The following DOCK10 variants were observed in gnomAD, a reference collection of about 807,000 sequenced individuals.
DOCK10 encodes the protein dedicator of cytokinesis 10, also known as dedicator of cytokinesis protein 10.
A neutral mutation model predicts 280.1 loss-of-function variants in DOCK10; 145 were observed. The ratio of observed to expected loss-of-function variants is 0.52; its 90% CI spans 0.45 to 0.59. DOCK10 has a LOEUF of 0.59. Ranked by LOEUF, DOCK10 falls within the 20% of genes least tolerant of loss-of-function variation. The pLI, the probability that DOCK10 is intolerant of heterozygous loss-of-function variation, is 0.00. For missense variants in DOCK10, 2,368 were observed against 2,651.7 expected, an observed-to-expected ratio of 0.89 and a Z score of 2.35; for synonymous variants, 915 against 942.2, an observed-to-expected ratio of 0.97 and a Z score of 0.53.
Position 224,854,948 on chromosome 2 carries a change from A to T in DOCK10, c.1888+15T>A, listed in dbSNP as rs751293153. 5.0e-6 allele frequency: 8 copies of T among 1,589,376 alleles called. No homozygotes were observed. The highest frequency in any genetic ancestry group is 6.9e-6 in the Non-Finnish European group (8 of 1,162,734). ...TTCAAAACTCTGCAACCAAACCATG[A>T]CATCATCATCATACTTGGATGCTCC... On this transcript the variant is annotated intron_variant, in intron 16 of 55. Coordinates refer to ENST00000258390, the MANE Select transcript of DOCK10 (RefSeq NM_014689.3).
chr2:224,811,598 C>G (rs577518987), intron 31 of DOCK10, among the ~76,000 whole-genome samples: 20 of 152,290 alleles, frequency 1.3e-4, no homozygotes, highest in African/African-American at 4.6e-4. Flanking sequence ...AGGTTTTCTT[C>G]TAGGGTTTTT....
intron 4 of DOCK10, among the ~76,000 whole-genome samples, chr2:224,890,434 A>C (rs1441999984): frequency 6.6e-6 from 1 of 152,208 alleles, no homozygotes; most frequent in Non-Finnish European, 1.5e-5. Context: ...TTTTTTCACA[A>C]ATCTCCCAGT....
chr2:224,916,597 T>C (rs1418464072), intron 3 of DOCK10, 98 bp downstream of exon 3: 2 of 800,486 alleles, frequency 2.5e-6, no homozygotes, highest in Non-Finnish European at 3.9e-6. Context: ...GAATTATCTA[T>C]TGAAAATGAC....
At chr2:224,902,664 A>G (rs932302818) in intron 3 of DOCK10, among the ~76,000 whole-genome samples, 21 of 151,930 alleles carry the variant, frequency 1.4e-4, no homozygotes, top group Non-Finnish European at 3.1e-4. Flanking sequence ...CACCCAACAC[A>G]TTGACATTTT....
intron 1 of DOCK10, among the ~76,000 whole-genome samples, chr2:224,984,703 T>C (rs1396242736): frequency 6.6e-6 from 1 of 152,106 alleles, no homozygotes; most frequent in Non-Finnish European, 1.5e-5. Context: ...TCCAAACATG[T>C]AGGAAAGTTG....
chr2:224,816,525 A>G lies in DOCK10; in HGVS notation c.3364+92T>C, dbSNP rs895373530. The stretch of plus-strand genomic sequence containing the variant: ...GCTTCAAACAAAATTATGACTGAAG[A>G]AACAGGAAAATAATAATAAACAAAA... On this transcript the variant is annotated intron_variant, in intron 30 of 55. Coordinates refer to ENST00000258390, the MANE Select transcript of DOCK10 (RefSeq NM_014689.3). 3 of 818,036 alleles carry G rather than the reference A, an allele frequency of 3.7e-6. No individual in the cohort carries two copies. The African/African-American group carries it at 5.2e-5, about 14-fold the overall frequency. The allele number at this position is 818,036 out of a possible 1,614,324, so 50.7% of individuals were successfully genotyped here.
At chr2:224,884,415 A>G (rs1020370642) in intron 7 of DOCK10, among the ~76,000 whole-genome samples, 2 of 152,212 alleles carry the variant, frequency 1.3e-5, no homozygotes, top group Admixed American at 1.3e-4. Context: ...CCAGAAATAG[A>G]GTCCTGGACC....
At chr2:224,989,159 A>G (rs1706061980) in intron 1 of DOCK10, among the ~76,000 whole-genome samples, 1 of 152,208 alleles carries the variant, frequency 6.6e-6, no homozygotes, top group Non-Finnish European at 1.5e-5. Context: ...AGAGGGAACC[A>G]GCCACTTTCC....
chr2:224,941,255 G>T (rs997253282), intron 1 of DOCK10, among the ~76,000 whole-genome samples: 1 of 150,422 alleles, frequency 6.6e-6, no homozygotes, highest in African/African-American at 2.4e-5. Flanking sequence ...CAACTTGGCT[G>T]CAAGTTGATG....
chr2:224,983,613 A>G (rs1282543080), intron 1 of DOCK10: 4 of 353,516 alleles, frequency 1.1e-5, no homozygotes, highest in Non-Finnish European at 2.3e-5. Context: ...CCCCAGCCTC[A>G]GTGAGGTTGC....
chr2:224,906,290 CCTAT>C (rs1468626201), intron 3 of DOCK10, among the ~76,000 whole-genome samples: 1 of 152,104 alleles, frequency 6.6e-6, no homozygotes, highest in Admixed American at 6.5e-5. Flanking sequence ...CAAATAGTCT[CCTAT>C]CTGTTAGTAC....
chr2:224,877,495 T>A (rs115373643), intron 7 of DOCK10, among the ~76,000 whole-genome samples: 66 of 149,404 alleles, frequency 4.4e-4, no homozygotes, highest in African/African-American at 1.0e-3. Flanking sequence ...TGGAATAGGT[T>A]CCTATTCCAA....
intron 16 of DOCK10, among the ~76,000 whole-genome samples, chr2:224,853,867 G>T: frequency 6.6e-6 from 1 of 152,170 alleles, no homozygotes; most frequent in South Asian, 2.1e-4. Context: ...GAATGCTTGA[G>T]AATCAGATTA....
At chr2:224,960,974 G>A (rs1216665655) in intron 1 of DOCK10, among the ~76,000 whole-genome samples, 3 of 151,996 alleles carry the variant, frequency 2.0e-5, no homozygotes, top group Admixed American at 6.6e-5. Flanking sequence ...TCCTGACCTC[G>A]TGATCCGCCT....
At chr2:224,836,975 G>GT (rs1219950995) in intron 25 of DOCK10, among the ~76,000 whole-genome samples, 1 of 151,986 alleles carries the variant, frequency 6.6e-6, no homozygotes, top group Non-Finnish European at 1.5e-5. Context: ...AGAGAATACA[G>GT]TTTTTTGATG....
intron 16 of DOCK10, among the ~76,000 whole-genome samples, chr2:224,853,415 T>C (rs527674306): frequency 6.6e-6 from 1 of 152,338 alleles, no homozygotes; most frequent in East Asian, 1.9e-4. Flanking sequence ...TTTTAACTAA[T>C]GAACCTCTGA....
chr2:225,012,151 A>G (rs1689458022), intron 1 of DOCK10, among the ~76,000 whole-genome samples: 1 of 152,150 alleles, frequency 6.6e-6, no homozygotes, highest in Admixed American at 6.5e-5. Flanking sequence ...TCCTCTGGCT[A>G]TGCTAAGGGA....
intron 1 of DOCK10, among the ~76,000 whole-genome samples, chr2:224,983,253 G>C (rs558295449): frequency 4.6e-5 from 7 of 152,278 alleles, no homozygotes; most frequent in Non-Finnish European, 1.0e-4. Flanking sequence ...GGTATTCCCT[G>C]ACTCCTGCGA....
At chr2:224,908,214 G>T (rs1238945082) in intron 3 of DOCK10, among the ~76,000 whole-genome samples, 1 of 136,454 alleles carries the variant, frequency 7.3e-6, no homozygotes, top group Non-Finnish European at 1.6e-5. Context: ...ATTTTTTATG[G>T]ACAGCTAGAG....
Sources: gnomAD v4.1 joint callset for allele counts (sites outside exome capture counted in the v4.1 genomes callset) on GRCh38, gnomAD v4.1.1 for gene constraint, MANE v1.5 for transcripts, NCBI Gene and HGNC (gene_info 2026-07-23, HGNC 2026-07-21) for gene names.